Variants in EML5 observed in about 807,000 individuals in gnomAD.
The protein encoded by EML5 is echinoderm microtubule-associated protein-like 5.
A neutral mutation model predicts 250.0 loss-of-function variants in EML5; 120 were observed. The observed-to-expected ratio is 0.48, with a 90% CI of 0.41 to 0.56. The LOEUF is 0.56. Among genes scored for constraint, EML5 ranks in the 20% least tolerant of loss-of-function variants. EML5 has a pLI of 0.00. For synonymous variants in EML5, 771 were observed against 806.5 expected (o/e 0.96, Z 0.75); for missense variants, 2,006 against 2,437.6 (o/e 0.82, Z 3.73).
chr14:88,688,359 C>A lies in EML5; in HGVS notation c.2654G>T (p.Gly885Val). The change falls in exon 18 of 44, where the codon GGA (glycine) becomes GTA (valine). Residue 885 changes from glycine to valine, a missense_variant. By Grantham distance (109) the Gly-to-Val change is moderately radical. Coordinates refer to ENST00000554922, the MANE Select transcript of EML5 (RefSeq NM_183387.3). ...EEMAFSGTST[G>V]DVCIWRDIFL... ...GATGTCTCTCCAGATACACACATCT[C>A]CTGTGGATGTTCCAGAAAAAGCCAT... 1 of 1,613,976 alleles carries A rather than the reference C, an allele frequency of 6.2e-7. No individual in the cohort carries two copies. Among genetic ancestry groups the A allele is most frequent in the Non-Finnish European group, 8.5e-7 (1 of 1,179,880 alleles).
At chr14:88,688,672 G>C (rs1485795446) in intron 17 of EML5, among the ~76,000 whole-genome samples, 199 bp from the exon 18 acceptor site, 3 of 152,156 alleles carry the variant, frequency 2.0e-5, no homozygotes, top group Non-Finnish European at 4.4e-5. Flanking sequence ...TAACTTTTTA[G>C]ATAAACAAAG....
chr14:88,635,234 A>C (rs903072849), intron 32 of EML5, among the ~76,000 whole-genome samples: 9 of 152,254 alleles, frequency 5.9e-5, no homozygotes, highest in African/African-American at 2.2e-4. Flanking sequence ...TCCATATGAA[A>C]TAATGATTTA....
intron 25 of EML5, 136 bp downstream of exon 25, chr14:88,661,517 CA>C (rs2092100085): frequency 1.3e-6 from 1 of 748,776 alleles, no homozygotes. Flanking sequence ...AGATATGAAA[CA>C]TAATTCTGAA....
At chr14:88,719,872 AAAAT>A (rs1227917635) in intron 8 of EML5, among the ~76,000 whole-genome samples, 2 of 152,120 alleles carry the variant, frequency 1.3e-5, no homozygotes, top group African/African-American at 4.8e-5. Context: ...AAAAATTAAT[AAAAT>A]AAATAGACTG....
chr14:88,649,775 G>C (rs1039269787), intron 28 of EML5, 137 bp downstream of exon 28: 7 of 655,108 alleles, frequency 1.1e-5, no homozygotes, highest in Non-Finnish European at 1.8e-5. Flanking sequence ...TATAGAATTT[G>C]TCCTACTTCA....
chr14:88,790,703 G>A (rs1200699790), intron 1 of EML5, among the ~76,000 whole-genome samples: 3 of 152,148 alleles, frequency 2.0e-5, no homozygotes. Flanking sequence ...GCTCCAGCTA[G>A]GTAAAGCTAC....
chr14:88,656,661 C>T (rs1351884990), intron 27 of EML5, among the ~76,000 whole-genome samples: 4 of 152,022 alleles, frequency 2.6e-5, no homozygotes, highest in Admixed American at 2.6e-4. Flanking sequence ...TGCATATGTC[C>T]TTACTTTTTT....
At chr14:88,706,668 C>T (rs1291555085) in intron 10 of EML5, among the ~76,000 whole-genome samples, 2 of 152,162 alleles carry the variant, frequency 1.3e-5, no homozygotes. Flanking sequence ...TTGAGAAAAA[C>T]CTGGGGATCA....
intron 4 of EML5, among the ~76,000 whole-genome samples, 192 bp from the exon 5 acceptor site, chr14:88,740,764 A>G (rs1235804692): frequency 6.6e-6 from 1 of 152,226 alleles, no homozygotes; most frequent in African/African-American, 2.4e-5. Flanking sequence ...GCATAGCTAT[A>G]TAGTCACTGG....
chr14:88,751,556 G>T (rs373832059), intron 2 of EML5, among the ~76,000 whole-genome samples: 3 of 151,988 alleles, frequency 2.0e-5, no homozygotes, highest in South Asian at 4.2e-4. Flanking sequence ...AATAAAGAGA[G>T]AATTCAGTTT....
chr14:88,732,114 G>T (rs1181849937), intron 7 of EML5, among the ~76,000 whole-genome samples: 1 of 152,020 alleles, frequency 6.6e-6, no homozygotes, highest in African/African-American at 2.4e-5. Flanking sequence ...CATTGCTTTT[G>T]GTGTTTTAGA....
At chr14:88,789,560 C>CCACCAACAT (rs1566808293) in intron 1 of EML5, among the ~76,000 whole-genome samples, 51 of 66,618 alleles carry the variant, frequency 7.7e-4, no homozygotes, top group Non-Finnish European at 8.9e-4. Flanking sequence ...TCAGCCTTTA[C>CCACCAACAT]TGAGAAAATG....
At chr14:88,645,449 C>T (rs12434935) in intron 29 of EML5, among the ~76,000 whole-genome samples, 35,985 of 152,154 alleles carry the variant, frequency 0.24, 4,449 homozygotes, top group East Asian at 0.38. Context: ...GGTACATTAA[C>T]AACAAAGCCT....
chr14:88,724,805 GC>G (rs1220383560), intron 8 of EML5, among the ~76,000 whole-genome samples: 1 of 152,140 alleles, frequency 6.6e-6, no homozygotes, highest in Non-Finnish European at 1.5e-5. Flanking sequence ...AAACTGAAGA[GC>G]AGCCTCCAAA....
chr14:88,788,174 A>C (rs2140872892), intron 1 of EML5, among the ~76,000 whole-genome samples: 1 of 152,080 alleles, frequency 6.6e-6, no homozygotes, highest in South Asian at 2.1e-4. Flanking sequence ...CTCTGAACCC[A>C]TATAAACACA....
intron 21 of EML5, among the ~76,000 whole-genome samples, chr14:88,670,319 C>CAA (rs34008480): frequency 0.055 from 4,483 of 80,966 alleles, 374 homozygotes; most frequent in African/African-American, 0.17. Context: ...GACTCCATCT[C>CAA]AAAAAAAAAA....
intron 1 of EML5, among the ~76,000 whole-genome samples, chr14:88,775,767 G>T (rs536559669): frequency 1.3e-5 from 2 of 152,230 alleles, no homozygotes; most frequent in African/African-American, 4.8e-5. Flanking sequence ...GCAAACATAG[G>T]CAGTAACCAG....
At chr14:88,640,024 A>G (rs2090969165) in intron 31 of EML5, among the ~76,000 whole-genome samples, 1 of 152,184 alleles carries the variant, frequency 6.6e-6, no homozygotes, top group Non-Finnish European at 1.5e-5. Flanking sequence ...GAGGTGGAAA[A>G]TGAGTTCAGA....
intron 8 of EML5, among the ~76,000 whole-genome samples, chr14:88,723,441 T>C (rs993361933): frequency 6.6e-6 from 1 of 152,132 alleles, no homozygotes; most frequent in African/African-American, 2.4e-5. Flanking sequence ...TAACAGGGAT[T>C]AGGAGTACAG....
Sources: allele counts gnomAD v4.1 joint callset (sites outside exome capture counted in the v4.1 genomes callset), GRCh38; gene constraint gnomAD v4.1.1; transcripts MANE v1.5; gene names NCBI Gene and HGNC (gene_info 2026-07-23, HGNC 2026-07-21).